Variants in ELOVL7 observed in about 807,000 individuals in gnomAD.
ELOVL7 encodes ELOVL fatty acid elongase 7.
ELOVL7 carries 27 observed loss-of-function variants against 35.7 expected under a neutral mutation model. The ratio of observed to expected loss-of-function variants is 0.76; its 90% CI spans 0.56 to 1.04. ELOVL7 has a LOEUF of 1.04. Ranked by LOEUF, ELOVL7 falls within the 50% of genes least tolerant of loss-of-function variation. The pLI is 0.00. For missense variants in ELOVL7, 327 were observed against 340.8 expected (o/e 0.96, Z 0.32); for synonymous variants, 113 against 114.6 (o/e 0.99, Z 0.09).
At chr5:60,843,951 C>T (rs1034621672) in intron 1 of ELOVL7, among the ~76,000 whole-genome samples, 1 of 152,144 alleles carries the variant, frequency 6.6e-6, no homozygotes, top group African/African-American at 2.4e-5. Flanking sequence ...GACAGAACTT[C>T]CCAAGCGCCT....
chr5:60,781,042 T>C (rs1484173263), intron 3 of ELOVL7, among the ~76,000 whole-genome samples: 1 of 152,044 alleles, frequency 6.6e-6, no homozygotes, highest in Non-Finnish European at 1.5e-5. Flanking sequence ...AAACCCTGTC[T>C]CTACGAAAAA....
At chr5:60,758,939 C>A (rs1162747083) in intron 7 of ELOVL7, among the ~76,000 whole-genome samples, 3 of 152,096 alleles carry the variant, frequency 2.0e-5, no homozygotes, top group African/African-American at 7.2e-5. Flanking sequence ...AGGAGAAGAA[C>A]TGAATTCATA....
At chr5:60,834,172 C>T (rs994617723) in intron 1 of ELOVL7, among the ~76,000 whole-genome samples, 1 of 151,760 alleles carries the variant, frequency 6.6e-6, no homozygotes, top group African/African-American at 2.4e-5. Context: ...GACGGAGTCT[C>T]GCTCTGTCGC....
chr5:60,793,887 G>A (rs954604523), intron 2 of ELOVL7, among the ~76,000 whole-genome samples: 1 of 152,172 alleles, frequency 6.6e-6, no homozygotes, highest in African/African-American at 2.4e-5. Flanking sequence ...GACATTGAGA[G>A]GTTGAGAAGA....
chr5:60,807,491 T>A (rs1579887618), intron 1 of ELOVL7, among the ~76,000 whole-genome samples: 2 of 147,530 alleles, frequency 1.4e-5, no homozygotes, highest in East Asian at 4.1e-4. Flanking sequence ...TCAGACCAAG[T>A]ATGTGGTCTG....
chr5:60,764,148 C>A, intron 7 of ELOVL7, 79 bp downstream of exon 7: 4 of 918,878 alleles, frequency 4.4e-6, no homozygotes, highest in South Asian at 3.1e-5. Context: ...TCTTATAAAT[C>A]ACATTTTAGA....
At chr5:60,829,516 T>C (rs1746361915) in intron 1 of ELOVL7, among the ~76,000 whole-genome samples, 2 of 152,206 alleles carry the variant, frequency 1.3e-5, no homozygotes, top group African/African-American at 4.8e-5. Context: ...AATCCCTCTA[T>C]CTTTTATATT....
chr5:60,773,568 A>C (rs1742727930), intron 3 of ELOVL7, among the ~76,000 whole-genome samples: 2 of 152,238 alleles, frequency 1.3e-5, no homozygotes, highest in Non-Finnish European at 2.9e-5. Context: ...AAAAAAATAA[A>C]GAAATAAAGC....
intron 3 of ELOVL7, among the ~76,000 whole-genome samples, chr5:60,774,241 A>C (rs1742773230): frequency 6.6e-6 from 1 of 152,210 alleles, no homozygotes. Context: ...ACATAGATGC[A>C]AAAATCCTCA....
intron 4 of ELOVL7, among the ~76,000 whole-genome samples, chr5:60,771,379 G>T (rs1412718016): frequency 6.6e-6 from 1 of 152,060 alleles, no homozygotes; most frequent in African/African-American, 2.4e-5. Context: ...TAAGGAACAG[G>T]CTCCCTCACC....
intron 1 of ELOVL7, among the ~76,000 whole-genome samples, chr5:60,823,583 T>C (rs1746007856): frequency 6.6e-6 from 1 of 152,226 alleles, no homozygotes. Flanking sequence ...TCAATTTTTC[T>C]AGCAAGTAGG....
chr5:60,771,103 T>C (rs1425917062), intron 4 of ELOVL7, among the ~76,000 whole-genome samples: 1 of 152,118 alleles, frequency 6.6e-6, no homozygotes, highest in Non-Finnish European at 1.5e-5. Context: ...AGTGGGCCCA[T>C]ATTGGGCCCT....
At chr5:60,757,434 A>G (rs1325478455) in intron 8 of ELOVL7, 75 bp downstream of exon 8, 2 of 1,435,984 alleles carry the variant, frequency 1.4e-6, no homozygotes, top group Admixed American at 1.8e-5. Flanking sequence ...TTATTTAACC[A>G]GTATCCTAAT....
In ELOVL7 at chr5:60,766,601, G is replaced by C; in HGVS notation, c.366C>G (p.Phe122Leu). The C allele has an allele frequency of 6.2e-7, 1 of 1,612,762 alleles. No individual in the cohort carries two copies. The highest frequency in any genetic ancestry group is 8.5e-7 in the Non-Finnish European group (1 of 1,179,426). The change falls in exon 6 of 9, where the codon TTC becomes TTG. Residue 122 changes from phenylalanine to leucine, a missense_variant. Transcript: ENST00000508821. ...TATCTAATAGCTCAATAAATTTGGA[G>C]AAGTAATAAAGCCAGCAGGTACGTG... The part of the protein sequence containing the change: ...RMARTCWLYY[F>L]SKFIELLDTI...
intron 1 of ELOVL7, among the ~76,000 whole-genome samples, chr5:60,814,129 A>G (rs578110294): frequency 2.4e-4 from 37 of 152,338 alleles, no homozygotes; most frequent in African/African-American, 8.4e-4. Flanking sequence ...AGCCTGTGCC[A>G]ACCTGGAATC....
chr5:60,794,536 C>T (rs1744129711), intron 2 of ELOVL7, among the ~76,000 whole-genome samples: 1 of 152,132 alleles, frequency 6.6e-6, no homozygotes, highest in Non-Finnish European at 1.5e-5. Context: ...CAGACAAGAG[C>T]CCAGAAATCA....
chr5:60,821,947 A>G (rs1008900509), intron 1 of ELOVL7, among the ~76,000 whole-genome samples: 5 of 152,258 alleles, frequency 3.3e-5, no homozygotes, highest in Non-Finnish European at 7.3e-5. Flanking sequence ...AAAGAAAAAA[A>G]CAAATTAAAA....
intron 3 of ELOVL7, among the ~76,000 whole-genome samples, chr5:60,781,802 C>T (rs981096570): frequency 2.6e-5 from 4 of 152,174 alleles, no homozygotes; most frequent in Admixed American, 2.6e-4. Context: ...CACTGGCTCG[C>T]TATGTCACCT....
chr5:60,818,191 G>A (rs961761438), intron 1 of ELOVL7, among the ~76,000 whole-genome samples: 1 of 151,430 alleles, frequency 6.6e-6, no homozygotes, highest in Non-Finnish European at 1.5e-5. Context: ...GGTGGCGGGC[G>A]CCTATAATCC....
Sources: allele counts gnomAD v4.1 joint callset (sites outside exome capture counted in the v4.1 genomes callset), GRCh38; gene constraint gnomAD v4.1.1; transcripts MANE v1.5; gene names NCBI Gene and HGNC (gene_info 2026-07-23, HGNC 2026-07-21).